Variants in SNX30 observed in about 807,000 individuals in gnomAD.
SNX30 encodes sorting nexin-30.
A neutral mutation model predicts 46.4 loss-of-function variants in SNX30; 24 were observed. The ratio of observed to expected loss-of-function variants is 0.52; its 90% CI spans 0.37 to 0.73. SNX30 has a LOEUF of 0.73. Among genes scored for constraint, SNX30 ranks in the 30% least tolerant of loss-of-function variants. The pLI, the probability that SNX30 is intolerant of heterozygous loss-of-function variation, is 0.00. For synonymous variants in SNX30, 189 were observed against 211.5 expected (o/e 0.89, Z 0.92); for missense variants, 533 against 555.7 (o/e 0.96, Z 0.41).
intron 1 of SNX30, among the ~76,000 whole-genome samples, chr9:112,785,615 C>G (rs143309063): frequency 6.6e-6 from 1 of 152,074 alleles, no homozygotes; most frequent in African/African-American, 2.4e-5. Context: ...AACTCCTGGC[C>G]TCAAGTGATC....
At chr9:112,847,462 TA>T (rs199659835) in intron 6 of SNX30, among the ~76,000 whole-genome samples, 11 of 133,774 alleles carry the variant, frequency 8.2e-5, no homozygotes, top group Admixed American at 4.4e-4. Context: ...TTTTTTTTTT[TA>T]AAAAGGACTA....
intron 1 of SNX30, among the ~76,000 whole-genome samples, chr9:112,752,486 TC>T (rs1839293437): frequency 6.6e-6 from 1 of 152,090 alleles, no homozygotes; most frequent in Admixed American, 6.6e-5. Context: ...GCACCTGTAA[TC>T]CAGGCTACTC....
chr9:112,816,229 T>C (rs1392578700), intron 2 of SNX30, among the ~76,000 whole-genome samples: 1 of 152,182 alleles, frequency 6.6e-6, no homozygotes, highest in Admixed American at 6.5e-5. Context: ...AAGAACTGCA[T>C]AGGCGCAGAG....
At chr9:112,855,912 G>C (rs1041221617) in intron 7 of SNX30, among the ~76,000 whole-genome samples, 1 of 152,228 alleles carries the variant, frequency 6.6e-6, no homozygotes, top group Non-Finnish European at 1.5e-5. Flanking sequence ...CATGGAAGGT[G>C]GGGGGCATCA....
At chr9:112,849,060 G>GT (rs1840983962) in intron 6 of SNX30, among the ~76,000 whole-genome samples, 1 of 152,170 alleles carries the variant, frequency 6.6e-6, no homozygotes, top group African/African-American at 2.4e-5. Flanking sequence ...CTGGATATGT[G>GT]GTTTTTTTTT....
Position 112,874,164 on chromosome 9 carries a change from A to T in SNX30, c.*5321A>T, listed in dbSNP as rs906009691. Reference sequence around the variant, plus strand: ...TGGAAATGAGGAGAGAGGAAAGTGGATTGCAAACCAAAATGTGAGTCAGTG... The same window carrying T: ...TGGAAATGAGGAGAGAGGAAAGTGGTTTGCAAACCAAAATGTGAGTCAGTG... On this transcript the variant is annotated 3_prime_UTR_variant, in exon 9 of 9. Transcript: ENST00000374232. 2.0e-5 allele frequency: 3 copies of T among 152,280 alleles called. No individual in the cohort carries two copies. The highest frequency in any genetic ancestry group is 4.4e-5 in the Non-Finnish European group (3 of 68,044). The allele number at this position is 152,280 out of a possible 1,614,324, so 9.4% of individuals were successfully genotyped here. A position where few individuals can be genotyped will look rare whatever the true frequency, so the allele number is the denominator to read the frequency against.
intron 1 of SNX30, among the ~76,000 whole-genome samples, chr9:112,779,138 T>C (rs1052000811): frequency 2.0e-5 from 3 of 152,228 alleles, no homozygotes; most frequent in Admixed American, 1.3e-4. Context: ...CGAAAGTGTG[T>C]TCTCCCTTTA....
intron 2 of SNX30, among the ~76,000 whole-genome samples, chr9:112,809,091 CTTTT>C (rs34992498): frequency 5.5e-5 from 8 of 144,334 alleles, no homozygotes; most frequent in Admixed American, 6.9e-5. Context: ...GATTTTCTTT[CTTTT>C]TTTTTTTTTT....
At chr9:112,771,366 A>G (rs975300632) in intron 1 of SNX30, among the ~76,000 whole-genome samples, 1 of 152,238 alleles carries the variant, frequency 6.6e-6, no homozygotes. Flanking sequence ...TTTGTAAACT[A>G]TGGTAGTTTT....
intron 1 of SNX30, among the ~76,000 whole-genome samples, chr9:112,770,333 G>A (rs1839628651): frequency 6.6e-6 from 1 of 151,594 alleles, no homozygotes; most frequent in African/African-American, 2.4e-5. Context: ...CACCACACCC[G>A]ACTAATTTTT....
chr9:112,835,175 T>C (rs1840733238), intron 4 of SNX30, among the ~76,000 whole-genome samples: 1 of 152,178 alleles, frequency 6.6e-6, no homozygotes, highest in Non-Finnish European at 1.5e-5. Context: ...TCTGTTTGTA[T>C]TGAGGGTGGA....
At chr9:112,794,693 A>T (rs1840081905) in intron 1 of SNX30, among the ~76,000 whole-genome samples, 1 of 152,192 alleles carries the variant, frequency 6.6e-6, no homozygotes, top group Admixed American at 6.5e-5. Context: ...ATTGGCTCCT[A>T]GTCTATACCA....
chr9:112,817,164 A>G (rs1268715833), intron 2 of SNX30, among the ~76,000 whole-genome samples: 4 of 152,016 alleles, frequency 2.6e-5, no homozygotes, highest in African/African-American at 7.2e-5. Context: ...GCAGTGATCT[A>G]TTATCTTTAC....
chr9:112,776,411 C>A (rs984879658), intron 1 of SNX30, among the ~76,000 whole-genome samples: 12 of 152,114 alleles, frequency 7.9e-5, no homozygotes, highest in Middle Eastern at 3.2e-3. Flanking sequence ...TTAGTGTTCC[C>A]ATGTTTTTGG....
intron 6 of SNX30, among the ~76,000 whole-genome samples, chr9:112,849,129 A>G (rs934584380): frequency 6.6e-6 from 1 of 152,166 alleles, no homozygotes; most frequent in Non-Finnish European, 1.5e-5. Flanking sequence ...AGCATCCCAC[A>G]TGGCCCCTGC....
intron 1 of SNX30, among the ~76,000 whole-genome samples, chr9:112,772,383 C>T (rs1000807666): frequency 2.0e-5 from 3 of 152,172 alleles, no homozygotes; most frequent in Non-Finnish European, 4.4e-5. Flanking sequence ...TGCTGGGAGA[C>T]CTGGCACATT....
exon 5 of SNX30, chr9:112,880,028 C>G (rs970665941): frequency 2.2e-6 from 1 of 464,700 alleles, no homozygotes; most frequent in African/African-American, 1.9e-5. Context: ...CCCCATTGTT[C>G]CTTTAGATAG....
At chr9:112,865,803 T>G (rs1841332159) in intron 8 of SNX30, among the ~76,000 whole-genome samples, 1 of 149,662 alleles carries the variant, frequency 6.7e-6, no homozygotes, top group African/African-American at 2.5e-5. Flanking sequence ...TGCGATAGGG[T>G]CAAAAACTCT....
downstream of SNX30, among the ~76,000 whole-genome samples, chr9:112,884,601 G>T (rs553016928): frequency 1.3e-5 from 2 of 152,208 alleles, no homozygotes; most frequent in Non-Finnish European, 2.9e-5. Context: ...CAGAATCTCT[G>T]GTGGGTGGGA....
Sources: gnomAD v4.1 joint callset for allele counts (sites outside exome capture counted in the v4.1 genomes callset) on GRCh38, gnomAD v4.1.1 for gene constraint, MANE v1.5 for transcripts, NCBI Gene and HGNC (gene_info 2026-07-23, HGNC 2026-07-21) for gene names.